The following CDH23 variants were observed in gnomAD, a reference collection of about 807,000 sequenced individuals.
CDH23 encodes cadherin related 23.
Under a neutral mutation model 317.1 loss-of-function variants are expected in CDH23, and 189 were observed. That is an observed-to-expected ratio of 0.60 (90% CI 0.53 to 0.67). The LOEUF is 0.67. Among genes scored for constraint, CDH23 ranks in the 30% least tolerant of loss-of-function variants. The pLI, the probability that CDH23 is intolerant of heterozygous loss-of-function variation, is 0.00. For synonymous variants in CDH23, 1,839 were observed against 1,876.8 expected (o/e 0.98, Z 0.52); for missense variants, 4,401 against 4,592.4 (o/e 0.96, Z 1.20).
At chr10:71,745,104 T>C (rs1476978910) in intron 38 of CDH23, among the ~76,000 whole-genome samples, 4 of 152,256 alleles carry the variant, frequency 2.6e-5, no homozygotes, top group African/African-American at 4.8e-5. Context: ...ATTCAGCCAT[T>C]GTCCCTGAAT....
chr10:71,784,754 C>G, intron 42 of CDH23, 137 bp from the exon 43 acceptor site: 1 of 688,626 alleles, frequency 1.5e-6, no homozygotes, highest in East Asian at 2.7e-5. Flanking sequence ...TCTTCCTCTC[C>G]CCTTTTCTCT....
chr10:71,762,115 A>G (rs898526813), intron 38 of CDH23: 19 of 1,409,698 alleles, frequency 1.3e-5, no homozygotes, highest in Non-Finnish European at 1.7e-5. Context: ...AGCCTCTGCT[A>G]CTTCCCAGCC....
At chr10:71,567,769 G>A (rs1857494109) in intron 7 of CDH23, among the ~76,000 whole-genome samples, 1 of 150,126 alleles carries the variant, frequency 6.7e-6, no homozygotes, top group Non-Finnish European at 1.5e-5. Flanking sequence ...CTTGCTCCCA[G>A]CTGCTGCCTC....
intron 3 of CDH23, among the ~76,000 whole-genome samples, chr10:71,458,939 C>T (rs1045937755): frequency 1.3e-5 from 2 of 151,984 alleles, no homozygotes; most frequent in African/African-American, 4.8e-5. Context: ...AGGCACCTGC[C>T]ACCATGCCCA....
intron 6 of CDH23, among the ~76,000 whole-genome samples, chr10:71,533,524 A>ACCCCCCCCCC (rs1220569586): frequency 2.2e-5 from 2 of 91,244 alleles, no homozygotes; most frequent in African/African-American, 8.1e-5. Context: ...CTGGCTGGAC[A>ACCCCCCCCCC]CCACACACAC....
chr10:71,570,779 C>T lies in CDH23; in HGVS notation c.625-11C>T, dbSNP rs745791414. The stretch of plus-strand genomic sequence containing the variant: ...TCAACCTAAGGCTGTGTGTTCTCTC[C>T]GCTCTCTAAGGATCAAGACAAGACC... On this transcript the variant is annotated splice_polypyrimidine_tract_variant and intron_variant, in intron 7 of 69. Transcript: ENST00000224721. 3.1e-5 allele frequency: 50 copies of T among 1,600,624 alleles called. No individual in the cohort carries two copies. The highest frequency in any genetic ancestry group is 2.9e-4 in the South Asian group (26 of 88,784).
chr10:71,458,481 A>T (rs1257938889), intron 3 of CDH23, among the ~76,000 whole-genome samples: 1 of 152,232 alleles, frequency 6.6e-6, no homozygotes, highest in Non-Finnish European at 1.5e-5. Context: ...AGATGATCAT[A>T]CTTGCCTGGA....
At chr10:71,808,467 G>A (rs549338938) in intron 60 of CDH23, among the ~76,000 whole-genome samples, 290 of 152,100 alleles carry the variant, frequency 1.9e-3, no homozygotes, top group Admixed American at 4.3e-3. Flanking sequence ...TTTCAGTTGC[G>A]CACATCGCCT....
At position 71,793,325 on chromosome 10, in the gene CDH23, G is replaced by A. The variant is rs896709276; in HGVS notation, c.6397G>A (p.Asp2133Asn). 7 of 1,613,818 alleles carry A rather than the reference G, an allele frequency of 4.3e-6. No homozygotes were observed. The highest frequency in any genetic ancestry group is 2.7e-5 in the African/African-American group (2 of 74,902). The change falls in exon 48 of 70, where the codon GAC becomes AAC. Residue 2133 changes from aspartate to asparagine, a missense_variant. By Grantham distance (23) the Asp-to-Asn change is conservative. This residue lies in a region of CDH23 where 3,068 missense variants were observed against 3,203.3 expected (regional missense o/e 0.96). Transcript: ENST00000224721. ...GVIRVGNATI[D>N]REEQESYRLT... ...CATCCGTGTTGGTAATGCCACCATC[G>A]ACAGAGAGGAGCAGGAGTCCTACAG...
intron 6 of CDH23, among the ~76,000 whole-genome samples, chr10:71,520,984 C>T (rs1854643561): frequency 6.6e-6 from 1 of 152,066 alleles, no homozygotes; most frequent in African/African-American, 2.4e-5. Context: ...TTCTCTGATT[C>T]CTTAGCAGCC....
intron 22 of CDH23, among the ~76,000 whole-genome samples, chr10:71,696,906 GGCACT>G (rs1406858597): frequency 1.3e-5 from 2 of 152,202 alleles, no homozygotes; most frequent in Non-Finnish European, 2.9e-5. Flanking sequence ...CCGCCTTGTG[GGCACT>G]GCACTGGCCC....
chr10:71,527,618 C>T (rs1855114242), intron 6 of CDH23, among the ~76,000 whole-genome samples: 1 of 152,174 alleles, frequency 6.6e-6, no homozygotes. Flanking sequence ...TCTCCCATGC[C>T]TGGGGTGGTT....
intron 2 of CDH23, among the ~76,000 whole-genome samples, chr10:71,446,087 C>A (rs909907205): frequency 6.6e-6 from 1 of 152,186 alleles, no homozygotes; most frequent in East Asian, 1.9e-4. Flanking sequence ...TCAGCAGGCA[C>A]GTGTGGCCGG....
intron 12 of CDH23, among the ~76,000 whole-genome samples, chr10:71,645,353 A>C (rs1029719351): frequency 1.3e-4 from 20 of 152,178 alleles, no homozygotes; most frequent in Non-Finnish European, 2.9e-5. Context: ...CACGTTCCAG[A>C]GGAGGAGGGG....
intron 14 of CDH23, among the ~76,000 whole-genome samples, chr10:71,654,321 CA>C (rs1050434127): frequency 6.6e-6 from 1 of 152,318 alleles, no homozygotes; most frequent in Admixed American, 6.5e-5. Flanking sequence ...TGCCCTGGCA[CA>C]GGAGTTTATC....
At chr10:71,495,570 C>T (rs879289835) in intron 3 of CDH23, among the ~76,000 whole-genome samples, 14 of 152,012 alleles carry the variant, frequency 9.2e-5, no homozygotes, top group Admixed American at 7.9e-4. Context: ...CGGTGGCTCA[C>T]GCCTGTAATC....
chr10:71,791,787 G>C (rs1441752397), intron 47 of CDH23, among the ~76,000 whole-genome samples: 1 of 151,916 alleles, frequency 6.6e-6, no homozygotes, highest in East Asian at 1.9e-4. Context: ...TGTTGGCCAG[G>C]CTGGTCGCAA....
Position 71,778,040 on chromosome 10 carries a change from A to G in CDH23, c.5067+139A>G, listed in dbSNP as rs980787713. ...GGGGGCACTCAGTGTGGGAGGATGA[A>G]AAGTTTGGTGGAGTGGAGCCTGGGC... On this transcript the variant is annotated intron_variant, in intron 39 of 69. Transcript: ENST00000224721. 10 of 1,435,950 alleles carry G rather than the reference A, an allele frequency of 7.0e-6. No homozygotes were observed. In the African/African-American group the frequency reaches 1.3e-4, roughly 18 times the overall value. 89.0% of individuals were successfully genotyped at this position (1,435,950 alleles called of 1,614,324 possible). A position where few individuals can be genotyped will look rare whatever the true frequency, so the allele number is the denominator to read the frequency against.
chr10:71,811,798 C>T (rs1346675597), intron 65 of CDH23, 45 bp downstream of exon 65: 6 of 1,541,684 alleles, frequency 3.9e-6, no homozygotes, highest in Non-Finnish European at 5.2e-6. Context: ...AGGCAGTGGG[C>T]TGGGGACCTG....
Sources: allele counts gnomAD v4.1 joint callset (sites outside exome capture counted in the v4.1 genomes callset), GRCh38; gene constraint gnomAD v4.1.1; regional missense constraint gnomAD v4.1.1; transcripts MANE v1.5; gene names NCBI Gene and HGNC (gene_info 2026-07-23, HGNC 2026-07-21).